Variants in ALG9 observed in about 807,000 individuals in gnomAD.
ALG9 encodes ALG9 alpha-1,2-mannosyltransferase.
A neutral mutation model predicts 81.8 loss-of-function variants in ALG9; 55 were observed. The observed-to-expected ratio is 0.67, with a 90% CI of 0.54 to 0.84. The LOEUF (loss-of-function observed/expected upper bound fraction) is 0.84. ALG9 is among the 40% of genes least tolerant of loss of function. The pLI is 0.00. For synonymous variants in ALG9, 278 were observed against 274.3 expected, an observed-to-expected ratio of 1.01 and a Z score of -0.13; for missense variants, 629 against 745.0, an observed-to-expected ratio of 0.84 and a Z score of 1.81.
At chr11:111,801,969 G>A (rs1222021014) in intron 14 of ALG9, among the ~76,000 whole-genome samples, 1 of 152,150 alleles carries the variant, frequency 6.6e-6, no homozygotes, top group Non-Finnish European at 1.5e-5. Flanking sequence ...CAAAGAACAC[G>A]TGTGATTCTG....
chr11:111,869,621 C>T (rs1313450223), intron 2 of ALG9, among the ~76,000 whole-genome samples: 1 of 152,078 alleles, frequency 6.6e-6, no homozygotes, highest in Non-Finnish European at 1.5e-5. Context: ...ACAAATTACA[C>T]CTTTGTGTAA....
At chr11:111,857,998 G>A in intron 5 of ALG9, 2 of 403,876 alleles carry the variant, frequency 5.0e-6, no homozygotes, top group Non-Finnish European at 9.3e-6. Context: ...GAGTGCAGTG[G>A]TGGGATCTCA....
intron 13 of ALG9, among the ~76,000 whole-genome samples, chr11:111,821,981 C>T (rs545752966): frequency 6.6e-6 from 1 of 152,218 alleles, no homozygotes; most frequent in African/African-American, 2.4e-5. Flanking sequence ...GAGCACTGGG[C>T]AGAAATCACA....
intron 3 of ALG9, among the ~76,000 whole-genome samples, chr11:111,865,744 G>A (rs1402862797): frequency 6.6e-6 from 1 of 152,134 alleles, no homozygotes; most frequent in African/African-American, 2.4e-5. Context: ...TACAGCTATG[G>A]ACACTATATG....
chr11:111,853,138 G>A (rs185056064), intron 8 of ALG9, among the ~76,000 whole-genome samples: 114 of 150,186 alleles, frequency 7.6e-4, no homozygotes, highest in Non-Finnish European at 1.4e-3. Context: ...AACTCTGAAA[G>A]TGAAAATAAC....
intron 14 of ALG9, among the ~76,000 whole-genome samples, chr11:111,795,126 C>T (rs1167770295): frequency 2.6e-5 from 4 of 152,174 alleles, no homozygotes; most frequent in African/African-American, 9.7e-5. Flanking sequence ...GGAATTTTAT[C>T]TAACTGCTCT....
chr11:111,846,694 T>TA (rs1201273282), intron 8 of ALG9, among the ~76,000 whole-genome samples: 1 of 152,094 alleles, frequency 6.6e-6, no homozygotes, highest in Non-Finnish European at 1.5e-5. Context: ...TCAACAGTCT[T>TA]AAAAACAAGG....
At chr11:111,857,345 AGTT>A (rs1176492752) in intron 6 of ALG9, among the ~76,000 whole-genome samples, 2 of 152,170 alleles carry the variant, frequency 1.3e-5, no homozygotes, top group Admixed American at 1.3e-4. Flanking sequence ...TCTCCTGCAG[AGTT>A]GTTGTAAGGT....
At chr11:111,809,143 C>T (rs563974439) in intron 14 of ALG9, among the ~76,000 whole-genome samples, 1 of 152,328 alleles carries the variant, frequency 6.6e-6, no homozygotes, top group South Asian at 2.1e-4. Flanking sequence ...TACTTGGATG[C>T]TTTCACTTGG....
At chr11:111,770,527 GA>G in the ALG9 span, among the ~76,000 whole-genome samples, 1,613 of 146,362 alleles carry the variant, frequency 0.011, 47 homozygotes, top group African/African-American at 0.039. Context: ...GTCTCTACCA[GA>G]AAAAAAAAAG....
At chr11:111,853,562 C>T in intron 7 of ALG9, 77 bp from the exon 8 acceptor site, 1 of 1,562,612 alleles carries the variant, frequency 6.4e-7, no homozygotes, top group Non-Finnish European at 8.8e-7. Context: ...GAATGAAAAA[C>T]AGAATAAACT....
chr11:111,840,925 T>G (rs1393362912), intron 9 of ALG9, 116 bp from the exon 10 acceptor site: 5 of 1,236,544 alleles, frequency 4.0e-6, no homozygotes, highest in Non-Finnish European at 5.8e-6. Flanking sequence ...CTCCATAGAA[T>G]GTTTCTACTC....
intron 14 of ALG9, among the ~76,000 whole-genome samples, chr11:111,797,860 A>G (rs572288493): frequency 6.6e-5 from 10 of 152,314 alleles, no homozygotes; most frequent in African/African-American, 1.9e-4. Flanking sequence ...TGAGAATCCT[A>G]CGTAGGCACT....
At chr11:111,803,426 G>A (rs1008798534) in intron 14 of ALG9, among the ~76,000 whole-genome samples, 10 of 151,296 alleles carry the variant, frequency 6.6e-5, no homozygotes, top group South Asian at 2.1e-4. Flanking sequence ...GCTTGAACCC[G>A]GGAGGCAGAG....
intron 13 of ALG9, among the ~76,000 whole-genome samples, chr11:111,829,382 C>G (rs1953934934): frequency 6.6e-6 from 1 of 152,102 alleles, no homozygotes; most frequent in South Asian, 2.1e-4. Flanking sequence ...AAAACACAAG[C>G]ATTTAAGACT....
At chr11:111,858,100 C>G (rs1555144931) in intron 5 of ALG9, among the ~76,000 whole-genome samples, 1 of 152,066 alleles carries the variant, frequency 6.6e-6, no homozygotes, top group African/African-American at 2.4e-5. Flanking sequence ...CCACACCCAG[C>G]TAATTTTTGT....
chr11:111,837,642 C>T, intron 11 of ALG9, 27 bp from the exon 12 acceptor site: 1 of 1,611,722 alleles, frequency 6.2e-7, no homozygotes, highest in Non-Finnish European at 8.5e-7. Flanking sequence ...TTAGTGAGAG[C>T]CAGAGATGAG....
At chr11:111,834,987 T>A (rs1481380756) in intron 13 of ALG9, among the ~76,000 whole-genome samples, 3 of 152,184 alleles carry the variant, frequency 2.0e-5, no homozygotes, top group South Asian at 2.1e-4. Flanking sequence ...TAGCTTATAG[T>A]TACAGCTCAT....
chr11:111,778,763 A>C (rs1466142199), downstream of ALG9, among the ~76,000 whole-genome samples: 2 of 151,292 alleles, frequency 1.3e-5, no homozygotes, highest in African/African-American at 4.9e-5. Context: ...CCTCGACCAC[A>C]AACTCAGAAT....
Sources: allele counts gnomAD v4.1 joint callset (sites outside exome capture counted in the v4.1 genomes callset), GRCh38; gene constraint gnomAD v4.1.1; transcripts MANE v1.5; gene names NCBI Gene and HGNC (gene_info 2026-07-23, HGNC 2026-07-21).